NBEA: variants seen among roughly 807,000 people sequenced by gnomAD.
NBEA encodes the protein lysosomal-trafficking regulator 2.
Under a neutral mutation model 343.4 loss-of-function variants are expected in NBEA, and 44 were observed. The observed-to-expected ratio is 0.13, with a 90% confidence interval of 0.10 to 0.16. NBEA has a LOEUF of 0.16. Among genes scored for constraint, NBEA ranks in the 10% least tolerant of loss-of-function variants. The pLI is 1.00. For missense variants in NBEA, 2,555 were observed against 3,631.3 expected, an observed-to-expected ratio of 0.70 and a Z score of 7.62; for synonymous variants, 1,175 against 1,238.7, an observed-to-expected ratio of 0.95 and a Z score of 1.08.
At chr13:35,293,221 A>G (rs7322565) in intron 35 of NBEA, among the ~76,000 whole-genome samples, 2,210 of 152,094 alleles carry the variant, frequency 0.015, 49 homozygotes, top group African/African-American at 0.05. Flanking sequence ...TTTAAACTCC[A>G]AAGGCTATAT....
At chr13:35,595,653 C>T (rs768295120) in intron 47 of NBEA, among the ~76,000 whole-genome samples, 5 of 152,042 alleles carry the variant, frequency 3.3e-5, no homozygotes, top group Non-Finnish European at 5.9e-5. Context: ...CTTCTATATA[C>T]ATAAAGGCTA....
intron 41 of NBEA, among the ~76,000 whole-genome samples, chr13:35,491,997 T>C (rs1207342232): frequency 1.3e-5 from 2 of 151,944 alleles, no homozygotes; most frequent in East Asian, 3.9e-4. Context: ...CAGATCACAA[T>C]AGGATTGAAG....
intron 38 of NBEA, among the ~76,000 whole-genome samples, chr13:35,403,942 G>A (rs1408864066): frequency 6.6e-6 from 1 of 152,090 alleles, no homozygotes; most frequent in Non-Finnish European, 1.5e-5. Context: ...GTGGGCGAAG[G>A]ACATCAACAG....
chr13:35,584,089 A>AT (rs1261579813), intron 46 of NBEA, 51 bp downstream of exon 46: 1 of 1,481,506 alleles, frequency 6.7e-7, no homozygotes, highest in African/African-American at 1.4e-5. Flanking sequence ...AAATTTTAAC[A>AT]TAAGTAAATT....
intron 38 of NBEA, among the ~76,000 whole-genome samples, chr13:35,425,648 A>G (rs946840793): frequency 6.6e-6 from 1 of 152,184 alleles, no homozygotes; most frequent in African/African-American, 2.4e-5. Flanking sequence ...ACAGTTCTGT[A>G]GATGTCTATT....
At chr13:35,333,191 A>G (rs2039034351) in intron 36 of NBEA, among the ~76,000 whole-genome samples, 1 of 152,152 alleles carries the variant, frequency 6.6e-6, no homozygotes, top group Non-Finnish European at 1.5e-5. Flanking sequence ...AAAAGATTTT[A>G]GATCTCTAAG....
chr13:35,665,212 A>G (rs760142301), intron 56 of NBEA, 26 bp downstream of exon 56: 2 of 1,521,726 alleles, frequency 1.3e-6, no homozygotes, highest in Non-Finnish European at 1.8e-6. Flanking sequence ...TTTCATTTTC[A>G]ATGTCTAGAA....
At chr13:35,477,232 T>C (rs2075913334) in intron 41 of NBEA, 1 of 166,596 alleles carries the variant, frequency 6.0e-6, no homozygotes, top group Non-Finnish European at 1.5e-5. Context: ...TGGATGTTCC[T>C]ATATGTTAAA....
At chr13:34,998,400 C>A (rs2152522309) in intron 1 of NBEA, among the ~76,000 whole-genome samples, 1 of 152,274 alleles carries the variant, frequency 6.6e-6, no homozygotes, top group Admixed American at 6.5e-5. Context: ...TGAAAGCAGA[C>A]AACTGGTCTG....
intron 45 of NBEA, among the ~76,000 whole-genome samples, chr13:35,571,833 A>G (rs1286591852): frequency 2.0e-5 from 3 of 152,202 alleles, no homozygotes; most frequent in Admixed American, 6.5e-5. Context: ...CTAAGGTTAT[A>G]TTAAATGTTT....
intron 33 of NBEA, among the ~76,000 whole-genome samples, chr13:35,227,460 C>T (rs187813863): frequency 3.3e-5 from 5 of 151,994 alleles, no homozygotes; most frequent in African/African-American, 1.2e-4. Flanking sequence ...GTTCACTTAC[C>T]GATGCCTACA....
At chr13:35,043,430 G>T (rs932945314) in intron 2 of NBEA, among the ~76,000 whole-genome samples, 3 of 151,738 alleles carry the variant, frequency 2.0e-5, no homozygotes, top group African/African-American at 7.2e-5. Flanking sequence ...TGTAAAGGTT[G>T]CCATTGCAGC....
At position 35,583,988 on chromosome 13, in the gene NBEA, A is replaced by G; in HGVS notation, c.7126A>G (p.Asn2376Asp). The G allele has an allele frequency of 6.2e-7, 1 of 1,613,498 alleles. No homozygotes were observed. ...TGATCAAAGCCCACCCTACCATTAT[A>G]ATACCCATTATTCAACAGCAACATC... ...EDDQSPPYHYNTHYSTATSTL... is the reference protein window; with the variant it reads ...EDDQSPPYHYDTHYSTATSTL... Residue 2376 changes from asparagine (N) to aspartate (D), a missense_variant, in exon 46 of 59, where the codon AAT (asparagine) becomes GAT (aspartate). Around this residue, in one of 21 missense-constraint regions of NBEA, gnomAD observed 156 missense variants for 185.8 expected, o/e 0.84. Transcript: ENST00000379939.
At chr13:35,452,057 A>C in intron 39 of NBEA, 35 bp from the exon 40 acceptor site, 1 of 1,503,860 alleles carries the variant, frequency 6.6e-7, no homozygotes, top group Non-Finnish European at 9.2e-7. Flanking sequence ...AAACAATCAT[A>C]ATAACCTAAA....
At chr13:35,385,732 A>G (rs2042215654) in intron 38 of NBEA, among the ~76,000 whole-genome samples, 1 of 152,142 alleles carries the variant, frequency 6.6e-6, no homozygotes, top group Non-Finnish European at 1.5e-5. Context: ...ATAAAAATAA[A>G]ACATGTTAAC....
chr13:35,242,323 T>A (rs1171219352), intron 34 of NBEA, among the ~76,000 whole-genome samples: 1 of 151,730 alleles, frequency 6.6e-6, no homozygotes, highest in Non-Finnish European at 1.5e-5. Flanking sequence ...GAAGAAAGAA[T>A]CAGCAAACTT....
intron 34 of NBEA, among the ~76,000 whole-genome samples, chr13:35,272,694 G>C (rs1159331504): frequency 6.6e-6 from 1 of 152,080 alleles, no homozygotes; most frequent in East Asian, 1.9e-4. Context: ...AAAAAAAGCA[G>C]GGGTTGCAAT....
intron 34 of NBEA, among the ~76,000 whole-genome samples, chr13:35,265,216 T>G (rs1023447760): frequency 6.6e-6 from 1 of 151,734 alleles, no homozygotes; most frequent in Non-Finnish European, 1.5e-5. Context: ...AAAACATAGA[T>G]GAAAGAAATG....
intron 35 of NBEA, among the ~76,000 whole-genome samples, chr13:35,300,210 GCCA>G (rs375435933): frequency 2.6e-5 from 4 of 152,112 alleles, no homozygotes; most frequent in African/African-American, 9.7e-5. Flanking sequence ...TGTAGTCCCA[GCCA>G]CTCAGGAGGG....
Sources: gnomAD v4.1 joint callset for allele counts (sites outside exome capture counted in the v4.1 genomes callset) on GRCh38, gnomAD v4.1.1 for gene constraint, gnomAD v4.1.1 regional missense constraint, MANE v1.5 for transcripts, NCBI Gene and HGNC (gene_info 2026-07-23, HGNC 2026-07-21) for gene names.